SNX24: variants seen among roughly 807,000 people sequenced by gnomAD.
SNX24 encodes the protein sorting nexin 24, also known as sorting nexin-24.
A neutral mutation model predicts 28.7 loss-of-function variants in SNX24; 22 were observed. The observed-to-expected ratio is 0.77, with a 90% CI of 0.55 to 1.10. The LOEUF is 1.10. Ranked by LOEUF, SNX24 falls within the 50% of genes least tolerant of loss-of-function variation. The probability of loss-of-function intolerance (pLI) is 0.00; values close to 1 mark genes in which losing one functional copy is unlikely to be tolerated. For missense variants in SNX24, 221 were observed against 201.1 expected (o/e 1.10, Z -0.60); for synonymous variants, 69 against 71.5 (o/e 0.96, Z 0.18).
intron 1 of SNX24, among the ~76,000 whole-genome samples, chr5:122,889,416 CT>C (rs1349396422): frequency 6.6e-6 from 1 of 151,844 alleles, no homozygotes; most frequent in Non-Finnish European, 1.5e-5. Context: ...AAATTCAAAA[CT>C]TTTTTGTGTA....
At chr5:122,944,827 A>G (rs1340376659) in intron 2 of SNX24, among the ~76,000 whole-genome samples, 1 of 152,108 alleles carries the variant, frequency 6.6e-6, no homozygotes, top group Non-Finnish European at 1.5e-5. Context: ...CCCAGGTTTA[A>G]TTGTATGAAT....
chr5:122,891,427 G>T (rs995814216), intron 1 of SNX24, among the ~76,000 whole-genome samples: 1 of 152,148 alleles, frequency 6.6e-6, no homozygotes, highest in Non-Finnish European at 1.5e-5. Flanking sequence ...AGTAATCATG[G>T]TTATCTAGGG....
intron 3 of SNX24, among the ~76,000 whole-genome samples, chr5:122,958,598 T>C (rs569766306): frequency 1.1e-4 from 16 of 152,320 alleles, no homozygotes; most frequent in Non-Finnish European, 1.9e-4. Flanking sequence ...ATCATGTGGT[T>C]TGTTTCTCTT....
At chr5:122,955,700 C>T (rs1045206406) in intron 3 of SNX24, among the ~76,000 whole-genome samples, 11 of 152,250 alleles carry the variant, frequency 7.2e-5, no homozygotes, top group Middle Eastern at 3.4e-3. Flanking sequence ...TCATCTGATG[C>T]CACCATAGAA....
chr5:122,886,172 A>G (rs560983831), intron 1 of SNX24, among the ~76,000 whole-genome samples: 2 of 152,360 alleles, frequency 1.3e-5, no homozygotes, highest in Admixed American at 1.3e-4. Context: ...CACTTCAGAC[A>G]TGAATTAAGG....
chr5:122,936,251 A>G (rs1026047027), intron 1 of SNX24, among the ~76,000 whole-genome samples: 1 of 152,202 alleles, frequency 6.6e-6, no homozygotes, highest in African/African-American at 2.4e-5. Flanking sequence ...ATGAATATGC[A>G]GGTTAGAAAG....
Position 122,927,159 on chromosome 5 carries a change from C to T in SNX24, c.61-9575C>T, listed in dbSNP as rs139772681. The stretch of plus-strand genomic sequence containing the variant: ...TATGTGATAGGTGCCATTATAAACT[C>T]CATGTTATAGGTGAGGAAACTGAGG... On this transcript the variant is annotated intron_variant, in intron 1 of 6. Coordinates refer to ENST00000261369, the MANE Select transcript of SNX24 (RefSeq NM_014035.4). Among the ~76,000 whole-genome samples, 5 of 152,216 alleles carry T rather than the reference C, an allele frequency of 3.3e-5. No homozygotes were observed. The East Asian group carries it at 9.6e-4, about 29-fold the overall frequency.
At chr5:122,890,119 G>C (rs1260827009) in intron 1 of SNX24, among the ~76,000 whole-genome samples, 1 of 152,088 alleles carries the variant, frequency 6.6e-6, no homozygotes, top group Non-Finnish European at 1.5e-5. Flanking sequence ...CCTTATAGTA[G>C]GTAGATTTAG....
chr5:122,893,086 A>G (rs1231631579), intron 1 of SNX24, among the ~76,000 whole-genome samples: 1 of 152,018 alleles, frequency 6.6e-6, no homozygotes, highest in Non-Finnish European at 1.5e-5. Flanking sequence ...TAAATTTACT[A>G]GCTGGCATTC....
chr5:122,868,544 GC>G lies in SNX24; in HGVS notation c.60+22853del, dbSNP rs751078655. Among the ~76,000 whole-genome samples the G allele has an allele frequency of 1.1e-4, 16 of 152,242 alleles. 2 individuals are homozygous for G. The highest frequency in any genetic ancestry group is 3.9e-4 in the East Asian group (2 of 5,178). Reference sequence around the variant, plus strand: ...GAGACTCCAAACAACATCCGTATCTGCCACGGATACTTCAGGCACCATTGGA... The same window carrying G: ...GAGACTCCAAACAACATCCGTATCTGCACGGATACTTCAGGCACCATTGGA... On this transcript the variant is annotated intron_variant, in intron 1 of 6. Transcript: ENST00000261369.
At chr5:122,847,223 A>T (rs1208157465) in intron 1 of SNX24, among the ~76,000 whole-genome samples, 1 of 152,232 alleles carries the variant, frequency 6.6e-6, no homozygotes, top group South Asian at 2.1e-4. Flanking sequence ...GAAATAGACC[A>T]TAATTAAGGC....
chr5:122,845,730 C>G lies in SNX24; in HGVS notation c.60+37C>G, dbSNP rs540208476. 2.0e-5 allele frequency: 26 copies of G among 1,284,514 alleles called. 1 individual carries two copies. The South Asian group carries it at 6.2e-4, about 31-fold the overall frequency. The allele number at this position is 1,284,514 out of a possible 1,614,324, so 79.6% of individuals were successfully genotyped here. On this transcript the variant is annotated intron_variant, in intron 1 of 6. Coordinates refer to ENST00000261369, the MANE Select transcript of SNX24 (RefSeq NM_014035.4). Reference sequence around the variant, plus strand: ...CCGCGGGCGGACAGGGCCCCGCGAGCCAGGCCTGCGGCTGCTGCGCCCAGG... The same window carrying G: ...CCGCGGGCGGACAGGGCCCCGCGAGGCAGGCCTGCGGCTGCTGCGCCCAGG...
intron 1 of SNX24, among the ~76,000 whole-genome samples, chr5:122,890,199 C>T (rs909930599): frequency 1.3e-5 from 2 of 152,018 alleles, no homozygotes; most frequent in Non-Finnish European, 2.9e-5. Context: ...CTGTCTGCCC[C>T]CGACTAATAA....
intron 1 of SNX24, among the ~76,000 whole-genome samples, chr5:122,929,900 A>AAAG (rs1286922000): frequency 1.3e-5 from 2 of 151,730 alleles, no homozygotes; most frequent in Admixed American, 6.6e-5. Flanking sequence ...TTTAATATTC[A>AAAG]AAGAAGGTTC....
At chr5:122,876,033 C>T (rs1054526056) in intron 1 of SNX24, among the ~76,000 whole-genome samples, 9 of 152,178 alleles carry the variant, frequency 5.9e-5, no homozygotes, top group African/African-American at 1.7e-4. Flanking sequence ...TTAGTAGAGA[C>T]GGGGTTTTGC....
chr5:123,028,397 C>A (rs372672336), intron 5 of SNX24: 20 of 172,754 alleles, frequency 1.2e-4, no homozygotes, highest in East Asian at 1.1e-3. Flanking sequence ...CTTCCTCCTG[C>A]AACGCCCACC....
intron 3 of SNX24, among the ~76,000 whole-genome samples, chr5:122,950,831 G>A (rs752368497): frequency 3.9e-5 from 6 of 152,154 alleles, no homozygotes; most frequent in African/African-American, 7.2e-5. Context: ...GGGTTGGGGC[G>A]TGGAGGGCAA....
chr5:122,952,003 C>G (rs751320941), intron 3 of SNX24, among the ~76,000 whole-genome samples: 2 of 152,200 alleles, frequency 1.3e-5, no homozygotes, highest in African/African-American at 4.8e-5. Flanking sequence ...GGAAAATTCT[C>G]TACATAAGAA....
chr5:123,009,763 T>A (rs193276596), downstream of SNX24, among the ~76,000 whole-genome samples: 1 of 152,320 alleles, frequency 6.6e-6, no homozygotes, highest in Non-Finnish European at 1.5e-5. Context: ...CAGAATCTGT[T>A]GGAAGGGTGA....
Sources: allele counts gnomAD v4.1 joint callset (sites outside exome capture counted in the v4.1 genomes callset), GRCh38; gene constraint gnomAD v4.1.1; transcripts MANE v1.5; gene names NCBI Gene and HGNC (gene_info 2026-07-23, HGNC 2026-07-21).